Variants in GPC5 observed in about 807,000 individuals in gnomAD.
GPC5 encodes glypican 5.
GPC5 carries 47 observed loss-of-function variants against 53.9 expected under a neutral mutation model. That is an observed-to-expected ratio of 0.87 (90% confidence interval 0.69 to 1.11). The LOEUF (loss-of-function observed/expected upper bound fraction) is 1.11, where lower values mean the gene tolerates loss of function less well. GPC5 is among the 50% of genes most tolerant of loss of function. GPC5 has a pLI of 0.00. For missense variants in GPC5, 748 were observed against 713.1 expected (o/e 1.05, Z -0.56); for synonymous variants, 286 against 263.3 (o/e 1.09, Z -0.84).
intron 7 of GPC5, among the ~76,000 whole-genome samples, chr13:92,299,607 A>T (rs2043061466): frequency 6.6e-6 from 1 of 152,176 alleles, no homozygotes; most frequent in South Asian, 2.1e-4. Context: ...AATTCAGTTA[A>T]AATTTATAGG....
intron 7 of GPC5, among the ~76,000 whole-genome samples, chr13:92,478,174 A>T (rs1291743170): frequency 2.6e-5 from 4 of 152,152 alleles, no homozygotes; most frequent in Admixed American, 2.6e-4. Context: ...TGAATTGTTT[A>T]TCTTGATAAT....
intron 6 of GPC5, among the ~76,000 whole-genome samples, chr13:92,087,179 G>A (rs370026392): frequency 5.3e-5 from 8 of 152,216 alleles, no homozygotes; most frequent in African/African-American, 1.7e-4. Flanking sequence ...TTCAGGGAGA[G>A]TGTGATGCTT....
intron 7 of GPC5, among the ~76,000 whole-genome samples, chr13:92,324,643 G>A (rs762807337): frequency 3.6e-5 from 4 of 111,550 alleles, no homozygotes; most frequent in Non-Finnish European, 6.9e-5. Flanking sequence ...TCATTATGTA[G>A]TATGGCATAT....
chr13:92,274,305 A>G (rs759655665), intron 7 of GPC5, among the ~76,000 whole-genome samples: 1 of 151,862 alleles, frequency 6.6e-6, no homozygotes, highest in Non-Finnish European at 1.5e-5. Context: ...CTTGCCTTGC[A>G]TTTAACATCA....
intron 6 of GPC5, among the ~76,000 whole-genome samples, chr13:92,049,240 A>G (rs1594743379): frequency 1.3e-5 from 2 of 152,288 alleles, no homozygotes; most frequent in East Asian, 1.9e-4. Flanking sequence ...GATTAAATAT[A>G]TCTAAATTAG....
chr13:91,465,016 AAG>A (rs1278384443), intron 2 of GPC5, among the ~76,000 whole-genome samples: 1 of 152,176 alleles, frequency 6.6e-6, no homozygotes, highest in African/African-American at 2.4e-5. Flanking sequence ...TCAAAACAAA[AAG>A]AAATATAAGC....
chr13:91,567,743 C>G (rs568169993), intron 2 of GPC5, among the ~76,000 whole-genome samples: 2 of 152,296 alleles, frequency 1.3e-5, no homozygotes, highest in Admixed American at 1.3e-4. Context: ...TAACTGCAGT[C>G]CTCTCCCAAT....
intron 7 of GPC5, among the ~76,000 whole-genome samples, chr13:92,757,409 A>G (rs1874932476): frequency 6.6e-6 from 1 of 152,224 alleles, no homozygotes; most frequent in South Asian, 2.1e-4. Context: ...ACCATTCAGG[A>G]CATAGGCATG....
At chr13:92,380,033 AT>A (rs2043726568) in intron 7 of GPC5, among the ~76,000 whole-genome samples, 1 of 152,216 alleles carries the variant, frequency 6.6e-6, no homozygotes, top group Admixed American at 6.5e-5. Flanking sequence ...AAAAACCACA[AT>A]TACTTTTATG....
chr13:92,621,795 G>C (rs990025897), intron 7 of GPC5, among the ~76,000 whole-genome samples: 1 of 151,996 alleles, frequency 6.6e-6, no homozygotes, highest in Non-Finnish European at 1.5e-5. Flanking sequence ...CTCCGGCCTG[G>C]GCAACAGAGA....
chr13:91,687,516 G>C (rs774286020), intron 2 of GPC5, among the ~76,000 whole-genome samples: 2 of 151,992 alleles, frequency 1.3e-5, no homozygotes, highest in African/African-American at 4.8e-5. Context: ...TTTTTAGTGA[G>C]ATAACACATA....
chr13:92,140,158 G>A (rs1594778997), intron 6 of GPC5, among the ~76,000 whole-genome samples: 1 of 152,308 alleles, frequency 6.6e-6, no homozygotes, highest in East Asian at 1.9e-4. Context: ...TGTATTCTAT[G>A]TGAAGGAAAA....
At chr13:92,073,906 T>C (rs1372955022) in intron 6 of GPC5, among the ~76,000 whole-genome samples, 1 of 152,192 alleles carries the variant, frequency 6.6e-6, no homozygotes, top group Admixed American at 6.5e-5. Context: ...GTTCTTGTGA[T>C]AGTGAGTTCT....
Position 91,721,063 on chromosome 13 carries a change from CCCTTTCTTTCTTTCTTTCTTTCTTTCTT to C in GPC5, c.1021-7468_1021-7441del, listed in dbSNP as rs1486309928. 5.7e-3 allele frequency among the ~76,000 whole-genome samples: 834 copies of C among 147,298 alleles called. 11 individuals carry two copies. The highest frequency in any genetic ancestry group is 0.028 in the Middle Eastern group (8 of 288). ...TGTCCATTTTCTTTCTTCCTTCCTT[CCCTTTCTTTCTTTCTTTCTTTCTTTCTT>C]TCTTTCTTTCTTTCTTTCTTTCTTT... On this transcript the variant is annotated intron_variant, in intron 3 of 7. Coordinates refer to ENST00000377067, the MANE Select transcript of GPC5 (RefSeq NM_004466.6).
chr13:92,120,189 T>A (rs1386876851), intron 6 of GPC5, among the ~76,000 whole-genome samples: 1 of 152,174 alleles, frequency 6.6e-6, no homozygotes, highest in Non-Finnish European at 1.5e-5. Context: ...AAAGCAGCAG[T>A]AAGTAAACTC....
At chr13:91,862,988 T>C (rs2039046711) in intron 5 of GPC5, among the ~76,000 whole-genome samples, 1 of 151,662 alleles carries the variant, frequency 6.6e-6, no homozygotes, top group African/African-American at 2.4e-5. Context: ...CTCTTTCCCC[T>C]TCCTTTTTCT....
intron 7 of GPC5, among the ~76,000 whole-genome samples, chr13:92,158,457 G>A (rs746706616): frequency 3.3e-5 from 5 of 151,614 alleles, no homozygotes; most frequent in Non-Finnish European, 7.4e-5. Flanking sequence ...CATTCAATAC[G>A]TCTAAAAATA....
intron 6 of GPC5, among the ~76,000 whole-genome samples, chr13:92,093,531 T>G (rs1364334165): frequency 6.6e-6 from 1 of 152,214 alleles, no homozygotes; most frequent in Non-Finnish European, 1.5e-5. Flanking sequence ...TATCAAGTTA[T>G]TCTTAGTTTT....
intron 7 of GPC5, among the ~76,000 whole-genome samples, chr13:92,210,660 G>C (rs1025312533): frequency 3.9e-5 from 6 of 152,116 alleles, no homozygotes; most frequent in Non-Finnish European, 8.8e-5. Context: ...AGATCTGTTG[G>C]AGTATAGATG....
Sources: gnomAD v4.1 joint callset for allele counts (sites outside exome capture counted in the v4.1 genomes callset) on GRCh38, gnomAD v4.1.1 for gene constraint, MANE v1.5 for transcripts, NCBI Gene and HGNC (gene_info 2026-07-23, HGNC 2026-07-21) for gene names.